Variants in NOL4 observed in about 807,000 individuals in gnomAD.
The protein encoded by NOL4 is nucleolar protein 4, also known as cancer/testis antigen 125.
Under a neutral mutation model 75.9 loss-of-function variants are expected in NOL4, and 17 were observed. The observed-to-expected ratio is 0.22, with a 90% CI of 0.15 to 0.34. The LOEUF is 0.34. Ranked by LOEUF, NOL4 falls within the 10% of genes least tolerant of loss-of-function variation. The pLI is 1.00. For synonymous variants in NOL4, 292 were observed against 289.9 expected (o/e 1.01, Z -0.07); for missense variants, 614 against 793.5 (o/e 0.77, Z 2.72).
At chr18:33,987,074 AT>A (rs1349955141) in intron 6 of NOL4, among the ~76,000 whole-genome samples, 1 of 151,986 alleles carries the variant, frequency 6.6e-6, no homozygotes, top group African/African-American at 2.4e-5. Flanking sequence ...ATTTTTTGGG[AT>A]TTTATAGTGA....
chr18:33,941,698 G>A (rs796441461), intron 9 of NOL4, among the ~76,000 whole-genome samples: 7 of 151,934 alleles, frequency 4.6e-5, no homozygotes, highest in African/African-American at 1.7e-4. Flanking sequence ...CTTTCATATG[G>A]AGTAATCAAA....
chr18:33,943,874 G>GAAT (rs1215172580), intron 8 of NOL4, among the ~76,000 whole-genome samples: 1 of 151,798 alleles, frequency 6.6e-6, no homozygotes, highest in African/African-American at 2.4e-5. Flanking sequence ...CACATAGAAA[G>GAAT]AATTAATTCT....
chr18:34,093,452 C>T lies in NOL4; in HGVS notation c.772+13G>A. The T allele has an allele frequency of 6.4e-7, 1 of 1,562,682 alleles. No homozygotes were observed. Reference sequence around the variant, plus strand: ...CTGTTGTTTTGCTTATTTAGTCAAACTGAAAGGCTTACCATCTTGCTGGCC... The same window carrying T: ...CTGTTGTTTTGCTTATTTAGTCAAATTGAAAGGCTTACCATCTTGCTGGCC... On this transcript the variant is annotated intron_variant, in intron 5 of 10. Coordinates refer to ENST00000261592, the MANE Select transcript of NOL4 (RefSeq NM_003787.5).
chr18:33,985,461 A>G (rs1455526492), intron 6 of NOL4, among the ~76,000 whole-genome samples: 2 of 152,124 alleles, frequency 1.3e-5, no homozygotes, highest in East Asian at 3.9e-4. Context: ...AATCCTATAC[A>G]AATTATTTTA....
Position 33,871,349 on chromosome 18 carries a change from C to T in NOL4, c.1723+11895G>A, listed in dbSNP as rs75041820. Among the ~76,000 whole-genome samples, 862 of 152,034 alleles carry T rather than the reference C, an allele frequency of 5.7e-3. 14 individuals carry two copies. Among genetic ancestry groups the T allele is most frequent in the African/African-American group, 0.019 (807 of 41,506 alleles). On this transcript the variant is annotated intron_variant, in intron 10 of 10. Transcript: ENST00000261592. ...TATTTCTGGAAATTCCATCAGTACC[C>T]GAGCCCAGGAAAGGGTAATGTGGAC...
At chr18:33,964,320 C>T (rs2070394267) in intron 6 of NOL4, among the ~76,000 whole-genome samples, 1 of 151,948 alleles carries the variant, frequency 6.6e-6, no homozygotes. Context: ...ATCAGTTATT[C>T]ATCAGTGAGT....
At chr18:34,007,842 G>C (rs1409450779) in intron 6 of NOL4, among the ~76,000 whole-genome samples, 1 of 151,672 alleles carries the variant, frequency 6.6e-6, no homozygotes, top group Non-Finnish European at 1.5e-5. Context: ...TTTTTATTTG[G>C]AGATTCAGTA....
intron 5 of NOL4, chr18:34,048,306 C>G (rs1362551493): frequency 8.0e-6 from 3 of 375,026 alleles, no homozygotes; most frequent in African/African-American, 6.6e-5. Context: ...CTTTAAATAA[C>G]AACTGAACTA....
intron 1 of NOL4, among the ~76,000 whole-genome samples, chr18:34,166,880 T>C (rs2032416496): frequency 1.1e-5 from 1 of 89,180 alleles, no homozygotes; most frequent in Non-Finnish European, 2.4e-5. Context: ...TACTAAAAAA[T>C]ACAAAAAATT....
intron 5 of NOL4, among the ~76,000 whole-genome samples, chr18:34,059,122 CAT>C (rs55773398): frequency 0.11 from 12,547 of 117,700 alleles, 582 homozygotes; most frequent in Non-Finnish European, 0.13. Context: ...GATAGATATA[CAT>C]ATATATATAT....
rs192126420 is a variant in NOL4 at position 34,119,852 on chromosome 18, G to T, written c.414+10019C>A. ...TTAGCCAGGATGGTCTGGATCTCCT[G>T]ACCTCGTGATCCACCCGCCTCGGCC... On this transcript the variant is annotated intron_variant, in intron 2 of 10. Coordinates refer to ENST00000261592, the MANE Select transcript of NOL4 (RefSeq NM_003787.5). Among the ~76,000 whole-genome samples, 100 of 152,130 alleles carry T rather than the reference G, an allele frequency of 6.6e-4. 2 individuals carry two copies. Among genetic ancestry groups the T allele is most frequent in the African/African-American group, 2.4e-3 (100 of 41,492 alleles).
intron 1 of NOL4, among the ~76,000 whole-genome samples, chr18:34,185,881 C>T (rs1054557937): frequency 2.0e-5 from 3 of 152,150 alleles, no homozygotes; most frequent in Non-Finnish European, 2.9e-5. Flanking sequence ...CTTGTAATAA[C>T]TAGAACATAC....
rs148768364 is a variant in NOL4, at chr18:33,861,607, C to G, written c.1724-8572G>C. The stretch of plus-strand genomic sequence containing the variant: ...AAAATCAATGTACAAAAATCAAAAG[C>G]ATTCTTATACATCAATAACAGACAA... On this transcript the variant is annotated intron_variant, in intron 10 of 10. Transcript: ENST00000261592. 3.6e-3 allele frequency among the ~76,000 whole-genome samples: 548 copies of G among 152,216 alleles called. 13 individuals are homozygous for G. In the East Asian group the frequency reaches 0.056, roughly 16 times the overall value.
At chr18:34,209,418 A>G (rs2036360854) in intron 1 of NOL4, among the ~76,000 whole-genome samples, 1 of 152,130 alleles carries the variant, frequency 6.6e-6, no homozygotes, top group Non-Finnish European at 1.5e-5. Flanking sequence ...AAAATAATCC[A>G]TTCATTAGGC....
intron 9 of NOL4, among the ~76,000 whole-genome samples, chr18:33,930,766 A>C (rs1368191404): frequency 6.6e-6 from 1 of 152,156 alleles, no homozygotes; most frequent in Non-Finnish European, 1.5e-5. Flanking sequence ...GTGAATATCA[A>C]ACAGAAATTT....
chr18:33,947,306 A>G (rs1599987039), intron 8 of NOL4, among the ~76,000 whole-genome samples: 2 of 151,812 alleles, frequency 1.3e-5, no homozygotes, highest in African/African-American at 4.8e-5. Context: ...TTCTAATGTC[A>G]CCACAGTATG....
intron 1 of NOL4, chr18:34,221,700 A>G (rs2037318301): frequency 4.5e-6 from 1 of 221,260 alleles, no homozygotes; most frequent in African/African-American, 2.3e-5. Flanking sequence ...TAAAATAAAT[A>G]TACATCCTTC....
chr18:33,982,998 CCT>C (rs2072102404), intron 6 of NOL4, among the ~76,000 whole-genome samples: 2 of 151,966 alleles, frequency 1.3e-5, no homozygotes, highest in Non-Finnish European at 2.9e-5. Context: ...GATCCACCTG[CCT>C]CTGTCTCCCA....
rs535685303 is a variant in NOL4, at chr18:33,945,104, T to C, written c.1429-1926A>G. ...TTATTCAAATAGGAGTGAGAGTTTA[T>C]ATCTTTATAAAGTACATTATTAGAT... On this transcript the variant is annotated intron_variant, in intron 8 of 10. Transcript: ENST00000261592. Among the ~76,000 whole-genome samples, 9 of 152,044 alleles carry C rather than the reference T, an allele frequency of 5.9e-5. No homozygotes were observed. In the South Asian group the frequency reaches 1.9e-3, roughly 32 times the overall value.
Sources: allele counts gnomAD v4.1 joint callset (sites outside exome capture counted in the v4.1 genomes callset), GRCh38; gene constraint gnomAD v4.1.1; transcripts MANE v1.5; gene names NCBI Gene and HGNC (gene_info 2026-07-23, HGNC 2026-07-21).